The following CDH12 variants were observed in gnomAD, a reference collection of about 807,000 sequenced individuals.
The protein encoded by CDH12 is cadherin 12, also known as cadherin-12.
Under a neutral mutation model 74.1 loss-of-function variants are expected in CDH12, and 41 were observed. The observed-to-expected ratio is 0.55, with a 90% CI of 0.43 to 0.72. CDH12 has a LOEUF of 0.72. Among genes scored for constraint, CDH12 ranks in the 30% least tolerant of loss-of-function variants. CDH12 has a pLI of 0.00. For synonymous variants in CDH12, 399 were observed against 355.0 expected, an observed-to-expected ratio of 1.12 and a Z score of -1.39; for missense variants, 945 against 977.2, an observed-to-expected ratio of 0.97 and a Z score of 0.44.
At chr5:21,893,405 A>T (rs1436229201) in intron 6 of CDH12, among the ~76,000 whole-genome samples, 1 of 152,198 alleles carries the variant, frequency 6.6e-6, no homozygotes, top group Admixed American at 6.5e-5. Context: ...AAATTGGCCC[A>T]TTAGAAAAGA....
intron 1 of CDH12, among the ~76,000 whole-genome samples, chr5:22,739,643 T>C (rs916963275): frequency 2.0e-5 from 3 of 152,102 alleles, no homozygotes; most frequent in Admixed American, 2.0e-4. Flanking sequence ...GGTACTATGC[T>C]GTAGAACAAA....
At chr5:22,521,721 T>C in intron 1 of CDH12, among the ~76,000 whole-genome samples, 1 of 152,140 alleles carries the variant, frequency 6.6e-6, no homozygotes, top group Non-Finnish European at 1.5e-5. Flanking sequence ...ACTCTTGTGG[T>C]GTGAAAGCAG....
At chr5:22,777,152 A>G (rs1404652354) in intron 1 of CDH12, among the ~76,000 whole-genome samples, 1 of 152,118 alleles carries the variant, frequency 6.6e-6, no homozygotes, top group Non-Finnish European at 1.5e-5. Flanking sequence ...CCCAAAACAG[A>G]AAAAAAATCT....
chr5:21,758,862 C>T (rs1744551782), intron 13 of CDH12, among the ~76,000 whole-genome samples: 2 of 152,082 alleles, frequency 1.3e-5, no homozygotes, highest in South Asian at 4.1e-4. Context: ...CAAATTGATA[C>T]AGAAGCAGAA....
At chr5:21,807,553 A>G (rs1044935394) in intron 9 of CDH12, among the ~76,000 whole-genome samples, 2 of 152,164 alleles carry the variant, frequency 1.3e-5, no homozygotes. Context: ...CTCATTTCAA[A>G]GGGAAATAAG....
intron 5 of CDH12, among the ~76,000 whole-genome samples, chr5:21,984,663 T>C (rs1757440048): frequency 6.6e-6 from 1 of 152,242 alleles, no homozygotes. Flanking sequence ...CTGTTATAAA[T>C]TACTGATGCT....
intron 14 of CDH12, among the ~76,000 whole-genome samples, chr5:21,754,765 C>T (rs968302343): frequency 6.6e-6 from 1 of 152,012 alleles, no homozygotes; most frequent in African/African-American, 2.4e-5. Flanking sequence ...CCACAATACC[C>T]AGTTGTATAT....
chr5:22,508,272 T>C (rs1736472563), intron 1 of CDH12, among the ~76,000 whole-genome samples: 1 of 152,146 alleles, frequency 6.6e-6, no homozygotes, highest in African/African-American at 2.4e-5. Flanking sequence ...TGGAGAGTCA[T>C]CCCCTACAAA....
intron 4 of CDH12, among the ~76,000 whole-genome samples, chr5:22,117,531 TATATATATATA>T (rs1745247166): frequency 9.0e-6 from 1 of 110,822 alleles, no homozygotes; most frequent in Non-Finnish European, 1.8e-5. Context: ...ATAATATATA[TATATATATATA>T]GTGTGTGCGT....
rs545605542 is a variant in CDH12 at position 22,801,137 on chromosome 5, T to C, written c.-523+51921A>G. Among the ~76,000 whole-genome samples, 12 of 152,322 alleles carry C rather than the reference T, an allele frequency of 7.9e-5. No individual in the cohort carries two copies. The East Asian group carries it at 1.7e-3, about 22-fold the overall frequency. ...CTACCGCATTGTCTTCCAAAGTGGCTATACCATTTCGCATTACCTCCAGCA... is the reference window on the plus strand; with the variant it reads ...CTACCGCATTGTCTTCCAAAGTGGCCATACCATTTCGCATTACCTCCAGCA... On this transcript the variant is annotated intron_variant, in intron 1 of 14. Transcript: ENST00000382254.
intron 11 of CDH12, among the ~76,000 whole-genome samples, chr5:21,769,282 T>G (rs1274579107): frequency 2.6e-5 from 4 of 152,058 alleles, no homozygotes; most frequent in African/African-American, 4.8e-5. Flanking sequence ...TATAAATTTT[T>G]AAATGGTATC....
chr5:22,510,894 A>ATT (rs34007830), intron 1 of CDH12, among the ~76,000 whole-genome samples: 27 of 143,988 alleles, frequency 1.9e-4, no homozygotes, highest in African/African-American at 4.8e-4. Context: ...AACATATATA[A>ATT]TTTTTTTTTT....
At chr5:22,429,396 C>A (rs1744075573) in intron 2 of CDH12, among the ~76,000 whole-genome samples, 1 of 152,054 alleles carries the variant, frequency 6.6e-6, no homozygotes, top group South Asian at 2.1e-4. Flanking sequence ...ACTTGGGCCT[C>A]CCAAAGTGCT....
intron 1 of CDH12, among the ~76,000 whole-genome samples, chr5:22,725,523 C>T (rs1254844469): frequency 6.6e-6 from 1 of 151,670 alleles, no homozygotes; most frequent in African/African-American, 2.4e-5. Context: ...AACAAAATAT[C>T]ATAGACTAAG....
At chr5:21,795,543 T>G (rs1401295990) in intron 10 of CDH12, among the ~76,000 whole-genome samples, 4 of 151,910 alleles carry the variant, frequency 2.6e-5, no homozygotes, top group Non-Finnish European at 5.9e-5. Flanking sequence ...TGCTGTGCAG[T>G]TTATATACTA....
chr5:22,836,638 G>A (rs577737205), intron 1 of CDH12, among the ~76,000 whole-genome samples: 10 of 152,062 alleles, frequency 6.6e-5, no homozygotes, highest in East Asian at 1.9e-4. Context: ...CAAGAAAGCC[G>A]TGTAAACTAA....
chr5:21,786,307 C>G (rs538025131), intron 10 of CDH12, among the ~76,000 whole-genome samples: 27 of 152,252 alleles, frequency 1.8e-4, no homozygotes, highest in African/African-American at 5.3e-4. Context: ...GTGCATGCCA[C>G]TACGCCTGGC....
intron 4 of CDH12, among the ~76,000 whole-genome samples, chr5:22,093,710 C>T (rs966169347): frequency 6.6e-6 from 1 of 152,006 alleles, no homozygotes; most frequent in Non-Finnish European, 1.5e-5. Context: ...GGTTGCAACA[C>T]TATGTGAATA....
At chr5:22,550,323 G>GC (rs1275141187) in intron 1 of CDH12, among the ~76,000 whole-genome samples, 1 of 152,020 alleles carries the variant, frequency 6.6e-6, no homozygotes, top group African/African-American at 2.4e-5. Flanking sequence ...ACTCCTGACT[G>GC]CATTTCCCAT....
Sources: gnomAD v4.1 joint callset for allele counts (sites outside exome capture counted in the v4.1 genomes callset) on GRCh38, gnomAD v4.1.1 for gene constraint, MANE v1.5 for transcripts, NCBI Gene and HGNC (gene_info 2026-07-23, HGNC 2026-07-21) for gene names.